The following DOCK6 variants were observed in gnomAD, a reference collection of about 807,000 sequenced individuals.
DOCK6 encodes the protein dedicator of cytokinesis protein 6.
In DOCK6, 167 loss-of-function variants were observed where a neutral mutation model predicts 230.3. The observed-to-expected ratio is 0.73, with a 90% CI of 0.64 to 0.82. DOCK6 has a LOEUF of 0.82. Ranked by LOEUF, DOCK6 falls within the 40% of genes least tolerant of loss-of-function variation. The probability of loss-of-function intolerance (pLI) is 0.00; values close to 1 mark genes in which losing one functional copy is unlikely to be tolerated. For missense variants in DOCK6, 2,598 were observed against 2,825.8 expected (o/e 0.92, Z 1.83); for synonymous variants, 1,148 against 1,185.0 (o/e 0.97, Z 0.64).
rs1355448435 is a variant in DOCK6 at position 11,202,642 on chromosome 19, T to G, written c.5303A>C (p.Glu1768Ala). 1 of 1,613,928 alleles carries G rather than the reference T, an allele frequency of 6.2e-7. No individual in the cohort carries two copies. The highest frequency in any genetic ancestry group is 1.7e-5 in the Admixed American group (1 of 60,010). Residue 1768 changes from glutamate (E) to alanine (A), a missense_variant, in exon 42 of 48, where the codon GAG (glutamate) becomes GCG (alanine). Physicochemically the swap from Glu to Ala is moderately radical, Grantham distance 107. Transcript: ENST00000294618. The surrounding 1 kb of genome is among the most constrained non-coding windows in gnomAD (Gnocchi z 5.3). ...GAHFGDLDEQ[E>A]FVYKEPSITK... ...GATCGATGGCTCCTTGTACACAAACTCCTGCTCATCCAGGTCACCGAAGTG... is the reference window on the plus strand; with the variant it reads ...GATCGATGGCTCCTTGTACACAAACGCCTGCTCATCCAGGTCACCGAAGTG...
chr19:11,215,882 A>G lies in DOCK6; in HGVS notation c.3940T>C (p.Ser1314Pro). ...ERINSLTFKK[S>P]LDMKARLEEA... Reference sequence around the variant, plus strand: ...TCTAGCCGCGCCTTCATATCCAGAGATTTTTTGAATGTGAGGCTGTTGATG... The same window carrying G: ...TCTAGCCGCGCCTTCATATCCAGAGGTTTTTTGAATGTGAGGCTGTTGATG... The change falls in exon 31 of 48, where the codon TCT becomes CCT. Residue 1314 changes from serine (S) to proline (P), a missense_variant. Transcript: ENST00000294618. 1 of 1,613,630 alleles carries G rather than the reference A, an allele frequency of 6.2e-7. No homozygotes were observed.
chr19:11,222,777 A>G lies in DOCK6; in HGVS notation c.3198T>C (p.Pro1066=). The G allele has an allele frequency of 6.3e-7, 1 of 1,584,070 alleles. No homozygotes were observed. The highest frequency in any genetic ancestry group is 8.6e-7 in the Non-Finnish European group (1 of 1,165,574). The change falls in exon 26 of 48, where the codon CCT becomes CCC. Residue 1066 remains proline, a synonymous_variant. Transcript: ENST00000294618. This position sits in a 1 kb window ranked among gnomAD's most constrained non-coding sequence, Gnocchi z 4.0. ...ACACAGAGGGGGAGGGCGAGGCTGG[A>G]GGTGACAGGGGGCAGCAGGGGAGGT... ...TLNLPCCPLS[P]PASPSPSVSS... is the part of the protein sequence containing the mutation.
chr19:11,240,507 C>T (rs1167132526), intron 14 of DOCK6, among the ~76,000 whole-genome samples: 1 of 152,066 alleles, frequency 6.6e-6, no homozygotes, highest in African/African-American at 2.4e-5. Flanking sequence ...CCTGATATCT[C>T]ACAGTAGGGC....
At chr19:11,220,110 C>T (rs1010361121) in intron 28 of DOCK6, among the ~76,000 whole-genome samples, 1 of 151,986 alleles carries the variant, frequency 6.6e-6, no homozygotes, top group Non-Finnish European at 1.5e-5. Context: ...CCCACCACCA[C>T]GTCGAGCTAA....
intron 21 of DOCK6, among the ~76,000 whole-genome samples, chr19:11,235,316 A>G (rs913172305): frequency 1.3e-5 from 2 of 152,020 alleles, no homozygotes; most frequent in African/African-American, 4.8e-5. Flanking sequence ...CATGTTGGCC[A>G]GGCTGGTCTT....
At chr19:11,233,430 C>T in intron 21 of DOCK6, 64 bp from the exon 22 acceptor site, 1 of 1,557,198 alleles carries the variant, frequency 6.4e-7, no homozygotes, top group Non-Finnish European at 8.7e-7. Context: ...CAGTCCCTTC[C>T]TACTCAGCTA....
intron 14 of DOCK6, chr19:11,238,541 G>A (rs906283174): frequency 3.8e-6 from 2 of 532,212 alleles, no homozygotes; most frequent in South Asian, 4.6e-5. Context: ...GGAACAGTGT[G>A]GTAGAGGGTG....
chr19:11,236,171 C>T lies in DOCK6; in HGVS notation c.2392+175G>A. 1.4e-6 allele frequency: 1 copy of T among 692,946 alleles called. No individual in the cohort carries two copies. The highest frequency in any genetic ancestry group is 2.0e-5 in the South Asian group (1 of 49,992). The allele number at this position is 692,946 out of a possible 1,614,324, so 42.9% of individuals were successfully genotyped here. On this transcript the variant is annotated intron_variant, in intron 20 of 47. Coordinates refer to ENST00000294618, the MANE Select transcript of DOCK6 (RefSeq NM_020812.4). The surrounding 1 kb of genome is among the most constrained non-coding windows in gnomAD (Gnocchi z 5.2). ...CTGGGATGACAGGCGTGAACCGCTGCACCCGGGCCAAAGGGTCACAGAAGA... is the reference window on the plus strand; with the variant it reads ...CTGGGATGACAGGCGTGAACCGCTGTACCCGGGCCAAAGGGTCACAGAAGA...
intron 22 of DOCK6, chr19:11,232,124 G>T: frequency 1.6e-6 from 2 of 1,214,268 alleles, no homozygotes; most frequent in Non-Finnish European, 2.2e-6. Flanking sequence ...CAGCCAGGAA[G>T]GTGGGAGGAG....
rs546765262 is a variant in DOCK6, at chr19:11,252,961, G to A, written c.133-3C>T. On this transcript the variant is annotated splice_polypyrimidine_tract_variant and splice_region_variant and intron_variant, in intron 2 of 47. Transcript: ENST00000294618. ...TCGACAACTTCAGTCAGTGGGACCTGGATTGGAGCAAAGTGGCTGTGATCG... is the reference window on the plus strand; with the variant it reads ...TCGACAACTTCAGTCAGTGGGACCTAGATTGGAGCAAAGTGGCTGTGATCG... The A allele has an allele frequency of 1.4e-5, 22 of 1,601,262 alleles. No homozygotes were observed. In the East Asian group the frequency reaches 4.1e-4, roughly 30 times the overall value.
At chr19:11,229,208 C>T in intron 22 of DOCK6, 173 bp from the exon 23 acceptor site, 1 of 1,256,212 alleles carries the variant, frequency 8.0e-7, no homozygotes, top group Non-Finnish European at 1.1e-6. Flanking sequence ...GCTCGCCAGA[C>T]CCCCCTGGAC....
At position 11,208,753 on chromosome 19, in the gene DOCK6, G is replaced by A; in HGVS notation, c.5021C>T (p.Ser1674Phe). 2 of 1,613,772 alleles carry A rather than the reference G, an allele frequency of 1.2e-6. No individual in the cohort carries two copies. Among genetic ancestry groups the A allele is most frequent in the South Asian group, 2.2e-5 (2 of 91,086 alleles). Reference protein sequence around the residue: ...ILSPDEEGFCSGKHFTELGLV... With the variant: ...ILSPDEEGFCFGKHFTELGLV... ...CCCCAGCTCAGTGAAGTGCTTCCCG[G>A]AGCAGAAGCCCTCCTCGTCGGGCGA... The change falls in exon 39 of 48, where the codon TCC becomes TTC. Residue 1674 changes from serine to phenylalanine, a missense_variant. Ser to Phe is a radical substitution (Grantham distance 155). Transcript: ENST00000294618.
chr19:11,209,701 C>T (rs1439535672), intron 37 of DOCK6, among the ~76,000 whole-genome samples: 1 of 78,660 alleles, frequency 1.3e-5, no homozygotes, highest in Non-Finnish European at 3.1e-5. Flanking sequence ...TCTATCCCCT[C>T]ACCTGTCCAT....
chr19:11,211,934 G>T (rs1400221951), intron 36 of DOCK6, 58 bp from the exon 37 acceptor site: 4 of 1,578,362 alleles, frequency 2.5e-6, no homozygotes, highest in South Asian at 1.2e-5. Flanking sequence ...AGGGAGCCAA[G>T]GTGGTGGGGT....
In DOCK6 at chr19:11,220,129, T is replaced by C. The variant is rs571829806; in HGVS notation, c.3550+1722A>G. On this transcript the variant is annotated intron_variant, in intron 28 of 47. Coordinates refer to ENST00000294618, the MANE Select transcript of DOCK6 (RefSeq NM_020812.4). ...CCACCACGTCGAGCTAATGTTTGTA[T>C]TTTTGGGACAGACAGGGTTTTACCA... Among the ~76,000 whole-genome samples, 187 of 152,136 alleles carry C rather than the reference T, an allele frequency of 1.2e-3. 1 individual carries two copies. Among genetic ancestry groups the C allele is most frequent in the African/African-American group, 4.3e-3 (180 of 41,538 alleles).
chr19:11,223,181 A>C, intron 24 of DOCK6, 75 bp from the exon 25 acceptor site: 25 of 1,334,184 alleles, frequency 1.9e-5, no homozygotes, highest in Non-Finnish European at 2.4e-5. Context: ...CACCAAGATC[A>C]TCTGCCACCC....
rs1277187441 is a variant in DOCK6 at position 11,238,080 on chromosome 19, G to A, written c.1797C>T (p.Thr599=). The A allele has an allele frequency of 1.2e-6, 2 of 1,613,812 alleles. No homozygotes were observed. Among genetic ancestry groups the A allele is most frequent in the South Asian group, 1.1e-5 (1 of 91,076 alleles). The change falls in exon 16 of 48, where the codon ACC becomes ACT. Residue 599 remains threonine, a synonymous_variant. Coordinates refer to ENST00000294618, the MANE Select transcript of DOCK6 (RefSeq NM_020812.4). ...AGACCACCGGTGTGAAGGCCTCGCG[G>A]GTAAATTCACTGCAGCTGGACTTGC... The part of the protein sequence containing the change: ...IFGKSSCSEF[T]REAFTPVVYH...
In DOCK6 at chr19:11,200,918, G is replaced by A. The variant is rs779603331; in HGVS notation, c.5823C>T (p.Thr1941=). The A allele has an allele frequency of 6.2e-6, 10 of 1,613,794 alleles. No homozygotes were observed. Among genetic ancestry groups the A allele is most frequent in the African/African-American group, 4.0e-5 (3 of 74,886 alleles). ...CTTCCACCAGCCGTGCCTGGTTCACGGTGGGCCCTACAGAGCCCTGAAGCA... is the reference window on the plus strand; with the variant it reads ...CTTCCACCAGCCGTGCCTGGTTCACAGTGGGCCCTACAGAGCCCTGAAGCA... ...QMVLQGSVGP[T]VNQGPLEVAQ... Residue 1941 remains threonine (T), a synonymous_variant, in exon 45 of 48, where the codon ACC becomes ACT. Coordinates refer to ENST00000294618, the MANE Select transcript of DOCK6 (RefSeq NM_020812.4). The surrounding 1 kb of genome is among the most constrained non-coding windows in gnomAD (Gnocchi z 4.3).
intron 30 of DOCK6, 47 bp downstream of exon 30, chr19:11,216,867 C>A: frequency 6.3e-7 from 1 of 1,597,330 alleles, no homozygotes; most frequent in Non-Finnish European, 8.6e-7. Flanking sequence ...TCCCTGGGTA[C>A]ATCCTTAGCC....
Sources: gnomAD v4.1 joint callset for allele counts (sites outside exome capture counted in the v4.1 genomes callset) on GRCh38, gnomAD v4.1.1 for gene constraint, Gnocchi (gnomAD v3.1) non-coding constraint, MANE v1.5 for transcripts, NCBI Gene and HGNC (gene_info 2026-07-23, HGNC 2026-07-21) for gene names.